The following WAC variants were observed in gnomAD, a reference collection of about 807,000 sequenced individuals.
WAC encodes WW domain-containing adapter protein with coiled-coil.
In WAC, 11 loss-of-function variants were observed where a neutral mutation model predicts 79.6. The observed-to-expected ratio is 0.14, with a 90% CI of 0.09 to 0.23. The LOEUF is 0.23. Ranked by LOEUF, WAC falls within the 10% of genes least tolerant of loss-of-function variation. The probability of loss-of-function intolerance (pLI) is 1.00; values close to 1 mark genes in which losing one functional copy is unlikely to be tolerated. For synonymous variants in WAC, 304 were observed against 276.9 expected (o/e 1.10, Z -0.97); for missense variants, 728 against 773.5 (o/e 0.94, Z 0.70).
chr10:28,595,167 TC>T (rs1840292366), intron 6 of WAC, among the ~76,000 whole-genome samples: 1 of 152,218 alleles, frequency 6.6e-6, no homozygotes, highest in Non-Finnish European at 1.5e-5. Flanking sequence ...TGTTCACAGT[TC>T]ATCATAACTT....
intron 7 of WAC, 97 bp downstream of exon 7, chr10:28,596,138 A>T (rs777150084): frequency 4.7e-5 from 61 of 1,305,408 alleles, no homozygotes; most frequent in Non-Finnish European, 6.2e-5. Flanking sequence ...GCTCTGAATT[A>T]TAAATTTTTA....
chr10:28,589,582 A>G (rs1016482065), intron 4 of WAC, 154 bp from the exon 5 acceptor site: 2 of 404,092 alleles, frequency 4.9e-6, no homozygotes, highest in South Asian at 1.5e-4. Flanking sequence ...TTCATAAACT[A>G]AGGTCTTATA....
chr10:28,594,798 T>TGG (rs774473392), intron 6 of WAC, among the ~76,000 whole-genome samples: 2 of 152,234 alleles, frequency 1.3e-5, no homozygotes, highest in African/African-American at 4.8e-5. Context: ...TTTCTCTCCT[T>TGG]GGAGGTTATT....
chr10:28,585,101 A>G (rs1473164381), intron 4 of WAC, among the ~76,000 whole-genome samples: 1 of 152,204 alleles, frequency 6.6e-6, no homozygotes. Flanking sequence ...TTGTTTTAAC[A>G]CAGAATTTAA....
At chr10:28,561,435 G>A (rs192343022) in intron 3 of WAC, among the ~76,000 whole-genome samples, 197 of 151,854 alleles carry the variant, frequency 1.3e-3, no homozygotes, top group Middle Eastern at 0.01. Context: ...TATCCAAAAT[G>A]CAGTTTTACA....
intron 3 of WAC, among the ~76,000 whole-genome samples, chr10:28,539,388 A>C (rs1285695550): frequency 6.6e-6 from 1 of 152,214 alleles, no homozygotes; most frequent in African/African-American, 2.4e-5. Context: ...ATCCATTAGG[A>C]TTTATTAAAG....
chr10:28,550,069 T>C (rs1248831388), intron 3 of WAC, among the ~76,000 whole-genome samples: 1 of 151,424 alleles, frequency 6.6e-6, no homozygotes, highest in Non-Finnish European at 1.5e-5. Context: ...GGGAGGCTGA[T>C]GAGGCAGGAG....
intron 3 of WAC, among the ~76,000 whole-genome samples, chr10:28,551,100 TA>T (rs1837643593): frequency 6.6e-6 from 1 of 152,112 alleles, no homozygotes; most frequent in Non-Finnish European, 1.5e-5. Context: ...GGTAGAATAA[TA>T]GGGGGGATAT....
intron 4 of WAC, among the ~76,000 whole-genome samples, chr10:28,588,445 C>T (rs1364185757): frequency 6.6e-6 from 1 of 152,116 alleles, no homozygotes; most frequent in East Asian, 1.9e-4. Context: ...GGGGAATTTC[C>T]AGACTCGGTG....
chr10:28,534,177 T>C, intron 2 of WAC, 143 bp downstream of exon 2: 1 of 824,668 alleles, frequency 1.2e-6, no homozygotes, highest in South Asian at 2.1e-5. Context: ...CCCCTTAAAA[T>C]TCCAGGTTTG....
intron 3 of WAC, among the ~76,000 whole-genome samples, chr10:28,539,306 T>A (rs556716712): frequency 6.6e-6 from 1 of 152,350 alleles, no homozygotes; most frequent in African/African-American, 2.4e-5. Flanking sequence ...AAGGTTTTTA[T>A]TCCCAAAAAC....
intron 4 of WAC, among the ~76,000 whole-genome samples, chr10:28,587,095 C>T (rs1286830165): frequency 1.3e-5 from 2 of 152,006 alleles, no homozygotes; most frequent in South Asian, 2.1e-4. Context: ...GACCTCATCT[C>T]GGGGAAGAAC....
chr10:28,575,323 G>A (rs558476974), intron 3 of WAC, among the ~76,000 whole-genome samples: 38 of 152,214 alleles, frequency 2.5e-4, no homozygotes, highest in African/African-American at 7.5e-4. Context: ...AGTACCCAAT[G>A]TTTTGTTTGT....
At chr10:28,564,093 A>G (rs932548292) in intron 3 of WAC, among the ~76,000 whole-genome samples, 4 of 151,928 alleles carry the variant, frequency 2.6e-5, no homozygotes, top group African/African-American at 9.7e-5. Context: ...GGGCAACTCC[A>G]TCTTTACCAA....
intron 7 of WAC, among the ~76,000 whole-genome samples, chr10:28,604,204 A>G (rs1406533494): frequency 6.6e-6 from 1 of 151,052 alleles, no homozygotes; most frequent in Non-Finnish European, 1.5e-5. Flanking sequence ...ACGTCGATGG[A>G]AGTGTAAGGC....
intron 3 of WAC, among the ~76,000 whole-genome samples, chr10:28,554,225 A>ATG (rs1287965282): frequency 6.6e-6 from 1 of 152,156 alleles, no homozygotes; most frequent in African/African-American, 2.4e-5. Flanking sequence ...ATACTACACT[A>ATG]CTTCATATAA....
chr10:28,611,364 C>G, intron 9 of WAC: 1 of 1,296,490 alleles, frequency 7.7e-7, no homozygotes, highest in Non-Finnish European at 1.0e-6. Flanking sequence ...AATGCCTTGT[C>G]TGGAATGGAA....
At chr10:28,579,351 C>G (rs1400432107) in intron 3 of WAC, among the ~76,000 whole-genome samples, 1 of 151,752 alleles carries the variant, frequency 6.6e-6, no homozygotes, top group Admixed American at 6.6e-5. Flanking sequence ...TAAAAAGTAC[C>G]CTTTATGCAC....
chr10:28,551,368 G>C (rs1837659310), intron 3 of WAC, among the ~76,000 whole-genome samples: 1 of 152,184 alleles, frequency 6.6e-6, no homozygotes, highest in African/African-American at 2.4e-5. Context: ...TATTACATGG[G>C]CATACTTTAG....
Sources: gnomAD v4.1 joint callset for allele counts (sites outside exome capture counted in the v4.1 genomes callset) on GRCh38, gnomAD v4.1.1 for gene constraint, MANE v1.5 for transcripts, NCBI Gene and HGNC (gene_info 2026-07-23, HGNC 2026-07-21) for gene names.